The following RBFOX1 variants were observed in gnomAD, a reference collection of about 807,000 sequenced individuals.
The protein encoded by RBFOX1 is RNA binding fox-1 homolog 1.
In RBFOX1, 8 loss-of-function variants were observed where a neutral mutation model predicts 57.7. The ratio of observed to expected loss-of-function variants is 0.14; its 90% CI spans 0.08 to 0.25. The LOEUF is 0.25. Among genes scored for constraint, RBFOX1 ranks in the 10% least tolerant of loss-of-function variants. RBFOX1 has a pLI of 1.00. For synonymous variants in RBFOX1, 326 were observed against 222.4 expected (o/e 1.47, Z -4.15); for missense variants, 611 against 548.5 (o/e 1.11, Z -1.14).
rs1010665410 is a variant in RBFOX1, at chr16:7,396,000, A to G, written c.28-122147A>G. 1.3e-5 allele frequency among the ~76,000 whole-genome samples: 2 copies of G among 152,242 alleles called. 1 individual carries two copies. Among genetic ancestry groups the G allele is most frequent in the Middle Eastern group, 6.8e-3 (2 of 294 alleles). ...CATCTATCGGCAGGGCTTGGCAAGG[A>G]GGGGAGCTTTCTCTTGATGGAGAGG... On this transcript the variant is annotated intron_variant, in intron 4 of 15. Transcript: ENST00000550418.
chr16:6,308,711 T>A lies in RBFOX1; in HGVS notation c.-126-8284T>A, dbSNP rs181923300. Among the ~76,000 whole-genome samples the A allele has an allele frequency of 1.1e-4, 17 of 152,358 alleles. No homozygotes were observed. In the East Asian group the frequency reaches 1.2e-3, roughly 10 times the overall value. ...GCATTGGATGCAGAAATTGCATCCC[T>A]GATTTATGCGAAAAGCAGGCTATTC... On this transcript the variant is annotated intron_variant, in intron 1 of 15. Transcript: ENST00000550418.
chr16:6,252,401 A>G (rs1024104783), intron 1 of RBFOX1, among the ~76,000 whole-genome samples: 3 of 152,306 alleles, frequency 2.0e-5, no homozygotes, highest in African/African-American at 7.2e-5. Context: ...TCAATTAAAA[A>G]CAAAACAAAA....
intron 4 of RBFOX1, among the ~76,000 whole-genome samples, chr16:7,250,744 G>C (rs991252403): frequency 6.6e-6 from 1 of 152,138 alleles, no homozygotes; most frequent in East Asian, 1.9e-4. Flanking sequence ...ACCAGGGAGG[G>C]TCATGCTGTG....
At chr16:5,513,584 G>A (rs2043683386) in intron 2 of RBFOX1, among the ~76,000 whole-genome samples, 1 of 152,172 alleles carries the variant, frequency 6.6e-6, no homozygotes, top group Non-Finnish European at 1.5e-5. Flanking sequence ...TTCATTGATG[G>A]AGGAGTATCT....
At chr16:7,092,519 G>A (rs761287370) in intron 4 of RBFOX1, among the ~76,000 whole-genome samples, 1 of 152,156 alleles carries the variant, frequency 6.6e-6, no homozygotes, top group Non-Finnish European at 1.5e-5. Context: ...AGCGAATGGC[G>A]ATTCCAGAAC....
intron 5 of RBFOX1, among the ~76,000 whole-genome samples, chr16:7,552,289 G>T (rs747538921): frequency 6.6e-6 from 1 of 152,076 alleles, no homozygotes; most frequent in Non-Finnish European, 1.5e-5. Context: ...TTGATCAGCA[G>T]CTATAGTTTC....
chr16:6,050,444 G>T (rs1164648569), intron 1 of RBFOX1, among the ~76,000 whole-genome samples: 1 of 152,242 alleles, frequency 6.6e-6, no homozygotes, highest in South Asian at 2.1e-4. Flanking sequence ...TGTGTCCTTT[G>T]TATTCTTTTA....
At chr16:7,153,059 C>A (rs1447675921) in intron 4 of RBFOX1, among the ~76,000 whole-genome samples, 1 of 152,078 alleles carries the variant, frequency 6.6e-6, no homozygotes, top group African/African-American at 2.4e-5. Flanking sequence ...TTATGTAGAA[C>A]CATGGCATGG....
chr16:5,674,502 T>C (rs545632076), intron 3 of RBFOX1, among the ~76,000 whole-genome samples: 2 of 152,158 alleles, frequency 1.3e-5, no homozygotes, highest in African/African-American at 4.8e-5. Flanking sequence ...TTCTCTCACA[T>C]ATCAGAAAGT....
intron 2 of RBFOX1, among the ~76,000 whole-genome samples, chr16:6,581,224 G>A (rs918306338): frequency 6.6e-5 from 10 of 152,156 alleles, no homozygotes; most frequent in Admixed American, 2.0e-4. Flanking sequence ...ACCCAGGGAA[G>A]CTTTCCCTTT....
chr16:6,974,295 A>G (rs115767812), intron 3 of RBFOX1, among the ~76,000 whole-genome samples: 55 of 147,174 alleles, frequency 3.7e-4, no homozygotes, highest in African/African-American at 1.3e-3. Context: ...AGTAAATAAC[A>G]GTCCAGTTTG....
intron 3 of RBFOX1, among the ~76,000 whole-genome samples, chr16:6,997,127 C>G (rs1180614643): frequency 6.6e-6 from 1 of 152,076 alleles, no homozygotes; most frequent in Non-Finnish European, 1.5e-5. Flanking sequence ...CCCAAACTTA[C>G]AACTCTCAAT....
At chr16:5,623,197 G>A (rs2048250849) in intron 3 of RBFOX1, among the ~76,000 whole-genome samples, 3 of 152,182 alleles carry the variant, frequency 2.0e-5, no homozygotes, top group African/African-American at 7.2e-5. Flanking sequence ...GCATTATGGT[G>A]TTGGCCTGAG....
intron 1 of RBFOX1, among the ~76,000 whole-genome samples, chr16:5,461,458 C>G (rs943127648): frequency 5.9e-5 from 9 of 152,152 alleles, no homozygotes; most frequent in African/African-American, 1.9e-4. Flanking sequence ...GTGCTGGGCA[C>G]TGTTCAGAAC....
chr16:7,384,829 A>C (rs564868636), intron 4 of RBFOX1, among the ~76,000 whole-genome samples: 4 of 152,340 alleles, frequency 2.6e-5, no homozygotes, highest in Admixed American at 6.5e-5. Flanking sequence ...TGCTGCTGGC[A>C]TAGAGCTTAT....
chr16:6,197,794 C>T (rs969323596), intron 1 of RBFOX1, among the ~76,000 whole-genome samples: 8 of 152,022 alleles, frequency 5.3e-5, no homozygotes, highest in African/African-American at 1.9e-4. Context: ...CTCCCTCCTC[C>T]CACCCTCCAT....
At chr16:5,888,216 A>G (rs879259680) in intron 4 of RBFOX1, among the ~76,000 whole-genome samples, 2 of 152,100 alleles carry the variant, frequency 1.3e-5, no homozygotes, top group Non-Finnish European at 2.9e-5. Flanking sequence ...TCTGCCGGGA[A>G]TGGTCCCTAA....
intron 2 of RBFOX1, among the ~76,000 whole-genome samples, chr16:6,480,433 A>G (rs1202997463): frequency 6.6e-6 from 1 of 152,222 alleles, no homozygotes; most frequent in Non-Finnish European, 1.5e-5. Context: ...CTATGTTTCA[A>G]TAAAACCTCA....
At chr16:7,374,394 T>C (rs187594955) in intron 4 of RBFOX1, among the ~76,000 whole-genome samples, 1 of 152,374 alleles carries the variant, frequency 6.6e-6, no homozygotes, top group East Asian at 1.9e-4. Flanking sequence ...AATGAATGTG[T>C]TGCTTATTGC....
Sources: allele counts gnomAD v4.1 joint callset (sites outside exome capture counted in the v4.1 genomes callset), GRCh38; gene constraint gnomAD v4.1.1; transcripts MANE v1.5; gene names NCBI Gene and HGNC (gene_info 2026-07-23, HGNC 2026-07-21).